NUS1: variants seen among roughly 807,000 people sequenced by gnomAD.
The protein encoded by NUS1 is NUS1 dehydrodolichyl diphosphate synthase subunit.
For synonymous variants in NUS1, 135 were observed against 155.2 expected (o/e 0.87, Z 0.97); for missense variants, 292 against 382.9 (o/e 0.76, Z 1.98).
intron 3 of NUS1, among the ~76,000 whole-genome samples, chr6:117,694,941 T>C (rs1479728705): frequency 6.6e-6 from 1 of 152,128 alleles, no homozygotes; most frequent in East Asian, 1.9e-4. Flanking sequence ...ACACTTGTAA[T>C]CCCAGCACTT....
intron 1 of NUS1, among the ~76,000 whole-genome samples, chr6:117,678,357 G>T (rs1047448301): frequency 1.1e-4 from 17 of 152,052 alleles, no homozygotes; most frequent in African/African-American, 4.1e-4. Context: ...TGACAGTTGG[G>T]GTCTGTTAAG....
At chr6:117,689,245 G>A (rs1260181119) in intron 1 of NUS1, among the ~76,000 whole-genome samples, 1 of 152,190 alleles carries the variant, frequency 6.6e-6, no homozygotes, top group Non-Finnish European at 1.5e-5. Flanking sequence ...ATATTCTGGT[G>A]ATAAGGTTGT....
At chr6:117,706,339 T>TA (rs1773501115) in intron 4 of NUS1, among the ~76,000 whole-genome samples, 1 of 152,194 alleles carries the variant, frequency 6.6e-6, no homozygotes. Context: ...CTGCCCAACA[T>TA]TAAGCATGGC....
At chr6:117,704,608 G>T (rs1773475667) in intron 4 of NUS1, among the ~76,000 whole-genome samples, 1 of 152,178 alleles carries the variant, frequency 6.6e-6, no homozygotes, top group Admixed American at 6.5e-5. Flanking sequence ...TAGAATAAAG[G>T]AGAGACATAG....
chr6:117,704,542 C>T (rs1773474145), intron 4 of NUS1, among the ~76,000 whole-genome samples: 1 of 152,128 alleles, frequency 6.6e-6, no homozygotes, highest in African/African-American at 2.4e-5. Flanking sequence ...TCTGATAAAA[C>T]TTTGTTTACA....
intron 2 of NUS1, 43 bp from the exon 3 acceptor site, chr6:117,693,988 G>T: frequency 1.3e-6 from 2 of 1,584,154 alleles, no homozygotes; most frequent in African/African-American, 1.4e-5. Flanking sequence ...AATATACCTG[G>T]AAGAGAGTGT....
At chr6:117,687,502 G>C (rs1773157621) in intron 1 of NUS1, among the ~76,000 whole-genome samples, 2 of 152,182 alleles carry the variant, frequency 1.3e-5, no homozygotes, top group South Asian at 4.1e-4. Context: ...GGGTAAGTCA[G>C]AGGAGGAATG....
chr6:117,679,736 A>G (rs1007009936), intron 1 of NUS1, among the ~76,000 whole-genome samples: 13 of 152,208 alleles, frequency 8.5e-5, no homozygotes, highest in African/African-American at 1.9e-4. Flanking sequence ...ATGTTTCCAG[A>G]GACTTGGCCA....
At chr6:117,697,570 A>G (rs117224985) in intron 3 of NUS1, among the ~76,000 whole-genome samples, 3 of 152,224 alleles carry the variant, frequency 2.0e-5, no homozygotes, top group Non-Finnish European at 4.4e-5. Flanking sequence ...GAAGTCCACT[A>G]TCTAGTGATA....
chr6:117,696,602 G>A (rs1241140052), intron 3 of NUS1, among the ~76,000 whole-genome samples: 1 of 152,248 alleles, frequency 6.6e-6, no homozygotes, highest in East Asian at 1.9e-4. Context: ...CAGGCTGGGA[G>A]AGAGTGGCAT....
chr6:117,700,565 T>G (rs1412682414), intron 3 of NUS1, among the ~76,000 whole-genome samples: 2 of 152,214 alleles, frequency 1.3e-5, no homozygotes, highest in African/African-American at 4.8e-5. Context: ...GAGAACAGTT[T>G]GGAGGTTTCT....
intron 1 of NUS1, among the ~76,000 whole-genome samples, chr6:117,687,521 C>G (rs1773157964): frequency 6.6e-6 from 1 of 152,054 alleles, no homozygotes; most frequent in Non-Finnish European, 1.5e-5. Flanking sequence ...TGGGGCACAT[C>G]TGGCTGGGGA....
rs118024600 is a variant in NUS1 at position 117,702,971 on chromosome 6, C to T, written c.692-634C>T. Among the ~76,000 whole-genome samples the T allele has an allele frequency of 7.2e-5, 11 of 152,196 alleles. No individual in the cohort carries two copies. In the East Asian group the frequency reaches 2.1e-3, roughly 29 times the overall value. ...TCCTTTTTTTCCCCAAGTCAGGTCTCATATGGAAACCAGTTCATGAAAGAG... is the reference window on the plus strand; with the variant it reads ...TCCTTTTTTTCCCCAAGTCAGGTCTTATATGGAAACCAGTTCATGAAAGAG... On this transcript the variant is annotated intron_variant, in intron 3 of 4. Transcript: ENST00000368494.
chr6:117,691,623 ATTGT>A lies in NUS1; in HGVS notation c.416-1416_416-1413del, dbSNP rs1264852182. Among the ~76,000 whole-genome samples the A allele has an allele frequency of 7.2e-4, 105 of 145,714 alleles. No homozygotes were observed. In the Middle Eastern group the frequency reaches 0.011, roughly 15 times the overall value. On this transcript the variant is annotated intron_variant, in intron 1 of 4. Coordinates refer to ENST00000368494, the MANE Select transcript of NUS1 (RefSeq NM_138459.5). ...TATATTCAAAAGTGATATAATTTTGATTGTTTAATTATATATTGATTTAATATAT... is the reference window on the plus strand; with the variant it reads ...TATATTCAAAAGTGATATAATTTTGATTAATTATATATTGATTTAATATAT...
chr6:117,706,698 G>A (rs189443048), intron 4 of NUS1, among the ~76,000 whole-genome samples: 16 of 152,086 alleles, frequency 1.1e-4, no homozygotes, highest in African/African-American at 3.6e-4. Context: ...ACTACCCCTC[G>A]GTGCCTCAGA....
At chr6:117,703,744 C>A in intron 4 of NUS1, 40 bp downstream of exon 4, 1 of 1,405,772 alleles carries the variant, frequency 7.1e-7, no homozygotes, top group Non-Finnish European at 1.0e-6. Context: ...TTAGATTCAG[C>A]AAGTGTTTCT....
At chr6:117,689,664 C>T (rs368417922) in intron 1 of NUS1, among the ~76,000 whole-genome samples, 2 of 151,934 alleles carry the variant, frequency 1.3e-5, no homozygotes, top group Non-Finnish European at 2.9e-5. Context: ...TGGACTCAAG[C>T]GATCCTCCCA....
chr6:117,694,079 A>T lies in NUS1; in HGVS notation c.590A>T (p.Lys197Ile). Residue 197 changes from lysine to isoleucine, a missense_variant, in exon 3 of 5, where the codon AAA (lysine) becomes ATA (isoleucine). Physicochemically the swap from Lys to Ile is moderately radical, Grantham distance 102. Coordinates refer to ENST00000368494, the MANE Select transcript of NUS1 (RefSeq NM_138459.5). ...AVKVLSPEDG[K>I]ADIVRAAQDF... is the part of the protein sequence containing the mutation. Reference sequence around the variant, plus strand: ...AAGGTGCTGTCTCCGGAAGATGGAAAAGCAGATATTGTAAGAGCTGCTCAG... The same window carrying T: ...AAGGTGCTGTCTCCGGAAGATGGAATAGCAGATATTGTAAGAGCTGCTCAG... The T allele has an allele frequency of 6.2e-7, 1 of 1,612,580 alleles. No homozygotes were observed. Among genetic ancestry groups the T allele is most frequent in the Non-Finnish European group, 8.5e-7 (1 of 1,179,324 alleles).
intron 3 of NUS1, among the ~76,000 whole-genome samples, chr6:117,694,395 A>G (rs974297054): frequency 2.0e-5 from 3 of 152,124 alleles, no homozygotes; most frequent in Admixed American, 2.0e-4. Flanking sequence ...ACTCACTCGC[A>G]TGAGGATTTA....
Sources: gnomAD v4.1 joint callset for allele counts (sites outside exome capture counted in the v4.1 genomes callset) on GRCh38, gnomAD v4.1.1 for gene constraint, MANE v1.5 for transcripts, NCBI Gene and HGNC (gene_info 2026-07-23, HGNC 2026-07-21) for gene names.